The following CKAP5 variants were observed in gnomAD, a reference collection of about 807,000 sequenced individuals.
The protein encoded by CKAP5 is cytoskeleton associated protein 5.
A neutral mutation model predicts 232.8 loss-of-function variants in CKAP5; 27 were observed. That is an observed-to-expected ratio of 0.12 (90% CI 0.09 to 0.16). The LOEUF (loss-of-function observed/expected upper bound fraction) is 0.16, where lower values mean the gene tolerates loss of function less well. Among genes scored for constraint, CKAP5 ranks in the 10% least tolerant of loss-of-function variants. The pLI is 1.00. For synonymous variants in CKAP5, 785 were observed against 841.1 expected (o/e 0.93, Z 1.16); for missense variants, 1,838 against 2,424.7 (o/e 0.76, Z 5.08).
At chr11:46,760,991 G>A (rs529913183) in intron 32 of CKAP5, among the ~76,000 whole-genome samples, 17 of 152,316 alleles carry the variant, frequency 1.1e-4, no homozygotes, top group Admixed American at 7.8e-4. Context: ...GCTCATGCAT[G>A]TAATCCCAGC....
chr11:46,777,665 G>A, intron 22 of CKAP5, 113 bp from the exon 23 acceptor site: 1 of 645,034 alleles, frequency 1.6e-6, no homozygotes, highest in East Asian at 2.8e-5. Flanking sequence ...GCCTACTCAA[G>A]AGACAGAGAC....
At chr11:46,779,837 G>T (rs2065324503) in intron 20 of CKAP5, among the ~76,000 whole-genome samples, 1 of 151,974 alleles carries the variant, frequency 6.6e-6, no homozygotes, top group South Asian at 2.1e-4. Flanking sequence ...GCCCAGGCTG[G>T]TCTTAAACTC....
intron 4 of CKAP5, among the ~76,000 whole-genome samples, chr11:46,811,461 T>C (rs971703536): frequency 2.6e-5 from 4 of 152,140 alleles, no homozygotes; most frequent in African/African-American, 9.7e-5. Context: ...CTATAAAGGA[T>C]CAACATGTTT....
chr11:46,832,575 T>C (rs370924972), intron 1 of CKAP5, among the ~76,000 whole-genome samples: 314 of 152,330 alleles, frequency 2.1e-3, no homozygotes, highest in African/African-American at 7.4e-3. Context: ...ATCTTCATGT[T>C]GCTCCCTATT....
intron 24 of CKAP5, among the ~76,000 whole-genome samples, chr11:46,775,689 G>A (rs549481863): frequency 9.9e-5 from 15 of 152,170 alleles, no homozygotes; most frequent in Admixed American, 6.5e-4. Flanking sequence ...TGATGAAGCT[G>A]GAAACCGTCA....
Position 46,821,224 on chromosome 11 carries a change from T to C in CKAP5, c.8A>G (p.Asp3Gly). ...TGGCAGTTTCAACCACTCACTGTCA[T>C]CTCCCATTGTGCTTCCAGGTTTTCC... is the stretch of plus-strand genomic sequence containing the variant. MGDDSEWLKLPVD... is the reference protein window; with the variant it reads MGGDSEWLKLPVD... Residue 3 changes from aspartate (D) to glycine (G), a missense_variant, in exon 2 of 44, where the codon GAT (aspartate) becomes GGT (glycine). By Grantham distance (94) the Asp-to-Gly change is moderately conservative. Coordinates refer to ENST00000529230, the MANE Select transcript of CKAP5 (RefSeq NM_001008938.4). 2.5e-6 allele frequency: 4 copies of C among 1,612,192 alleles called. No individual in the cohort carries two copies. Among genetic ancestry groups the C allele is most frequent in the Non-Finnish European group, 3.4e-6 (4 of 1,178,280 alleles).
chr11:46,766,962 ACTT>A (rs1231040317), intron 27 of CKAP5, among the ~76,000 whole-genome samples: 3 of 152,150 alleles, frequency 2.0e-5, no homozygotes, highest in Non-Finnish European at 4.4e-5. Flanking sequence ...GGTTGATTTA[ACTT>A]CCTTTTCTTA....
rs184804305 is a variant in CKAP5, at chr11:46,781,652, C to T, written c.2250-1167G>A. Among the ~76,000 whole-genome samples the T allele has an allele frequency of 1.9e-3, 285 of 152,270 alleles. 1 individual carries two copies. Among genetic ancestry groups the T allele is most frequent in the African/African-American group, 6.7e-3 (279 of 41,556 alleles). On this transcript the variant is annotated intron_variant, in intron 18 of 43. Transcript: ENST00000529230. The stretch of plus-strand genomic sequence containing the variant: ...TTTGCTCTTCCCTTGGTCTAGAATG[C>T]TCCTCTCTGATTATCACAGCTTGCT...
At chr11:46,812,079 C>T (rs1009715797) in intron 4 of CKAP5, among the ~76,000 whole-genome samples, 1 of 152,270 alleles carries the variant, frequency 6.6e-6, no homozygotes, top group East Asian at 1.9e-4. Flanking sequence ...CACCTATAAT[C>T]CCGGCACTTT....
chr11:46,772,510 T>C (rs2065255911), intron 24 of CKAP5, among the ~76,000 whole-genome samples: 1 of 152,166 alleles, frequency 6.6e-6, no homozygotes, highest in Admixed American at 6.5e-5. Flanking sequence ...TTTATGGATG[T>C]CCAATTGCTC....
At position 46,776,389 on chromosome 11, in the gene CKAP5, T is replaced by C; in HGVS notation, c.2863-6A>G. 1 of 1,604,906 alleles carries C rather than the reference T, an allele frequency of 6.2e-7. No individual in the cohort carries two copies. The highest frequency in any genetic ancestry group is 8.5e-7 in the Non-Finnish European group (1 of 1,175,882). On this transcript the variant is annotated splice_region_variant and splice_polypyrimidine_tract_variant and intron_variant, in intron 23 of 43. Coordinates refer to ENST00000529230, the MANE Select transcript of CKAP5 (RefSeq NM_001008938.4). Reference sequence around the variant, plus strand: ...GCAGCAGCTCGAACATTGTTCTAAATGGAGAAGATAATCAGCAAAAATAAT... The same window carrying C: ...GCAGCAGCTCGAACATTGTTCTAAACGGAGAAGATAATCAGCAAAAATAAT...
At chr11:46,747,811 G>T (rs1264593844) in intron 42 of CKAP5, among the ~76,000 whole-genome samples, 1 of 152,094 alleles carries the variant, frequency 6.6e-6, no homozygotes, top group Non-Finnish European at 1.5e-5. Context: ...TGAAATCCCA[G>T]AACTTTGGGA....
chr11:46,743,978 G>C lies in CKAP5; in HGVS notation c.*45C>G. Reference sequence around the variant, plus strand: ...CCATTTTAAACTATGAGGACTTCTAGTTTAGTAAACTAAAGCTGCAGGGTG... The same window carrying C: ...CCATTTTAAACTATGAGGACTTCTACTTTAGTAAACTAAAGCTGCAGGGTG... On this transcript the variant is annotated 3_prime_UTR_variant, in exon 44 of 44. Transcript: ENST00000529230. 1.2e-6 allele frequency: 2 copies of C among 1,610,934 alleles called. No individual in the cohort carries two copies. The highest frequency in any genetic ancestry group is 1.1e-5 in the South Asian group (1 of 90,846).
intron 9 of CKAP5, 94 bp downstream of exon 9, chr11:46,801,106 T>A (rs189465111): frequency 1.3e-4 from 106 of 791,944 alleles, no homozygotes; most frequent in East Asian, 9.6e-4. Flanking sequence ...TATACACATC[T>A]ATGCCAAGGA....
At chr11:46,802,553 G>GACAGACAGAC (rs1939055145) in intron 8 of CKAP5, among the ~76,000 whole-genome samples, 2 of 142,460 alleles carry the variant, frequency 1.4e-5, no homozygotes, top group African/African-American at 5.5e-5. Flanking sequence ...CAGACAGACA[G>GACAGACAGAC]ACAGACACAC....
chr11:46,799,991 A>T (rs1938988620), intron 9 of CKAP5, among the ~76,000 whole-genome samples: 1 of 151,486 alleles, frequency 6.6e-6, no homozygotes, highest in Non-Finnish European at 1.5e-5. Flanking sequence ...ACAAAGTGAG[A>T]CCCTGTCTCA....
rs1421746432 is a variant in CKAP5, at chr11:46,783,359, T to C, written c.2164A>G (p.Met722Val). 2 of 1,605,764 alleles carry C rather than the reference T, an allele frequency of 1.2e-6. No homozygotes were observed. The highest frequency in any genetic ancestry group is 1.7e-5 in the Admixed American group (1 of 59,802). Residue 722 changes from methionine to valine, a missense_variant, in exon 18 of 44, where the codon ATG becomes GTG. By Grantham distance (21) the Met-to-Val change is conservative. Transcript: ENST00000529230. ...LPWTAEQVVSMAFSQKNPKNQ... is the reference protein window; with the variant it reads ...LPWTAEQVVSVAFSQKNPKNQ... Reference sequence around the variant, plus strand: ...TTGGGATTCTTTTGTGAGAAAGCCATTGACACAACCTGAAAAGGGAAAAAC... The same window carrying C: ...TTGGGATTCTTTTGTGAGAAAGCCACTGACACAACCTGAAAAGGGAAAAAC...
Position 46,809,908 on chromosome 11 carries a change from G to C in CKAP5, c.631-34C>G. 4 of 1,572,260 alleles carry C rather than the reference G, an allele frequency of 2.5e-6. No homozygotes were observed. The South Asian group carries it at 4.7e-5, about 19-fold the overall frequency. On this transcript the variant is annotated intron_variant, in intron 5 of 43. Coordinates refer to ENST00000529230, the MANE Select transcript of CKAP5 (RefSeq NM_001008938.4). ...GTCATATAATATTTAAATAATATCT[G>C]CATCTCCACCATTAGTTAACATACT...
intron 28 of CKAP5, among the ~76,000 whole-genome samples, chr11:46,764,173 C>T (rs1203938360): frequency 6.6e-6 from 1 of 152,098 alleles, no homozygotes; most frequent in Non-Finnish European, 1.5e-5. Context: ...AAAAATTAAT[C>T]CTACATATAA....
Sources: allele counts gnomAD v4.1 joint callset (sites outside exome capture counted in the v4.1 genomes callset), GRCh38; gene constraint gnomAD v4.1.1; transcripts MANE v1.5; gene names NCBI Gene and HGNC (gene_info 2026-07-23, HGNC 2026-07-21).